DNER: variants seen among roughly 807,000 people sequenced by gnomAD.
DNER encodes delta/notch like EGF repeat containing.
Under a neutral mutation model 78.2 loss-of-function variants are expected in DNER, and 33 were observed. The observed-to-expected ratio is 0.42, with a 90% CI of 0.32 to 0.56. The LOEUF is 0.56. DNER is among the 20% of genes least tolerant of loss of function. DNER has a pLI of 0.11. For synonymous variants in DNER, 417 were observed against 384.8 expected (o/e 1.08, Z -0.98); for missense variants, 918 against 975.3 (o/e 0.94, Z 0.78).
chr2:229,647,605 A>C (rs538542805), intron 1 of DNER, among the ~76,000 whole-genome samples: 2 of 152,392 alleles, frequency 1.3e-5, no homozygotes, highest in South Asian at 4.1e-4. Context: ...ATATAAAGAC[A>C]GTTGTGGATA....
chr2:229,565,562 A>C (rs548733616), intron 4 of DNER, among the ~76,000 whole-genome samples: 1 of 152,298 alleles, frequency 6.6e-6, no homozygotes, highest in South Asian at 2.1e-4. Context: ...TACAAGACAG[A>C]TTGGTTGGCA....
At position 229,591,456 on chromosome 2, in the gene DNER, G is replaced by C. The variant is rs2154214625; in HGVS notation, c.585+124C>G. Reference sequence around the variant, plus strand: ...ATGCAGACAGGAATAAGTTTAGGGAGATATTTTGCTTCGTGATTTAACTTA... The same window carrying C: ...ATGCAGACAGGAATAAGTTTAGGGACATATTTTGCTTCGTGATTTAACTTA... On this transcript the variant is annotated intron_variant, in intron 2 of 12. Coordinates refer to ENST00000341772, the MANE Select transcript of DNER (RefSeq NM_139072.4). The surrounding 1 kb of genome is among the most constrained non-coding windows in gnomAD (Gnocchi z 4.6). The C allele has an allele frequency of 1.7e-6, 2 of 1,172,784 alleles. No homozygotes were observed. The highest frequency in any genetic ancestry group is 2.4e-6 in the Non-Finnish European group (2 of 850,932). The allele number at this position is 1,172,784 out of a possible 1,614,324, so 72.6% of individuals were successfully genotyped here.
intron 5 of DNER, among the ~76,000 whole-genome samples, chr2:229,544,693 T>C (rs1696585541): frequency 6.6e-6 from 1 of 151,840 alleles, no homozygotes; most frequent in African/African-American, 2.4e-5. Context: ...CCACCACGCC[T>C]GGCTAATTTT....
intron 4 of DNER, among the ~76,000 whole-genome samples, chr2:229,566,228 T>C (rs1406842737): frequency 2.0e-5 from 3 of 152,172 alleles, no homozygotes; most frequent in Admixed American, 1.3e-4. Context: ...GCAAGCATTG[T>C]GAACATGATC....
chr2:229,359,059 C>CG (rs1351300665), intron 12 of DNER, among the ~76,000 whole-genome samples: 3 of 152,148 alleles, frequency 2.0e-5, no homozygotes, highest in Non-Finnish European at 1.5e-5. Context: ...CAGTCTTCCC[C>CG]GGGCCATGGA....
chr2:229,696,313 A>T (rs746331111), intron 1 of DNER, among the ~76,000 whole-genome samples: 50 of 152,328 alleles, frequency 3.3e-4, no homozygotes, highest in Non-Finnish European at 5.6e-4. Flanking sequence ...ACGATGATTG[A>T]CGGGGAGGCT....
chr2:229,629,117 A>G (rs1416022443), intron 1 of DNER, among the ~76,000 whole-genome samples: 1 of 152,154 alleles, frequency 6.6e-6, no homozygotes, highest in Non-Finnish European at 1.5e-5. Context: ...GCCATACCAA[A>G]TTTGCCAATT....
At chr2:229,616,148 G>A (rs967678958) in intron 1 of DNER, among the ~76,000 whole-genome samples, 2 of 152,162 alleles carry the variant, frequency 1.3e-5, no homozygotes, top group Non-Finnish European at 2.9e-5. Flanking sequence ...CTAGTTGGTT[G>A]CTCATAGGTG....
rs549391584 is a variant in DNER, at chr2:229,573,454, A to C, written c.847+12404T>G. On this transcript the variant is annotated intron_variant, in intron 4 of 12. Transcript: ENST00000341772. ...TGATGCTCTGAGTTTTATACCCAAG[A>C]CCTTTGTGAGAAACAATTAAAACTA... is the stretch of plus-strand genomic sequence containing the variant. Among the ~76,000 whole-genome samples, 3 of 152,306 alleles carry C rather than the reference A, an allele frequency of 2.0e-5. No individual in the cohort carries two copies. The South Asian group carries it at 6.2e-4, about 32-fold the overall frequency.
chr2:229,633,938 G>A (rs1418570916), intron 1 of DNER, among the ~76,000 whole-genome samples: 4 of 152,238 alleles, frequency 2.6e-5, no homozygotes, highest in Non-Finnish European at 5.9e-5. Context: ...ACAGCCTGAA[G>A]CCAAGCACAT....
chr2:229,535,924 G>A lies in DNER; in HGVS notation c.993+11023C>T, dbSNP rs530256475. ...CTCCCAAAGTGCTGGGATTACAGGC[G>A]TGAGCCACCACGCCTGGCCCAGACT... On this transcript the variant is annotated intron_variant, in intron 5 of 12. Coordinates refer to ENST00000341772, the MANE Select transcript of DNER (RefSeq NM_139072.4). Among the ~76,000 whole-genome samples the A allele has an allele frequency of 1.8e-4, 27 of 152,248 alleles. No homozygotes were observed. In the East Asian group the frequency reaches 3.9e-3, roughly 22 times the overall value.
chr2:229,454,195 T>A (rs574285146), intron 7 of DNER, among the ~76,000 whole-genome samples: 1 of 152,298 alleles, frequency 6.6e-6, no homozygotes, highest in Admixed American at 6.5e-5. Flanking sequence ...GACTATGAGC[T>A]AAATGAGTGG....
At chr2:229,396,087 A>G (rs10192168) in intron 10 of DNER, among the ~76,000 whole-genome samples, 33,142 of 152,036 alleles carry the variant, frequency 0.22, 4,127 homozygotes, top group East Asian at 0.53. Flanking sequence ...CTAAAGGGGG[A>G]AAAGAAACTG....
At chr2:229,508,877 T>G in intron 6 of DNER, among the ~76,000 whole-genome samples, 1 of 145,608 alleles carries the variant, frequency 6.9e-6, no homozygotes, top group Non-Finnish European at 1.5e-5. Flanking sequence ...TGAGACTCCA[T>G]CTCAAAAAGA....
intron 1 of DNER, among the ~76,000 whole-genome samples, chr2:229,607,379 A>G (rs1378471076): frequency 6.6e-6 from 1 of 150,632 alleles, no homozygotes; most frequent in Non-Finnish European, 1.5e-5. Context: ...TGAGGCAGTT[A>G]CTGTTATCTG....
intron 5 of DNER, among the ~76,000 whole-genome samples, chr2:229,535,852 C>T (rs985026496): frequency 4.6e-5 from 7 of 152,162 alleles, no homozygotes; most frequent in Non-Finnish European, 1.0e-4. Context: ...CCATGTTGGC[C>T]AGGCTGTTCT....
chr2:229,518,851 G>A (rs1468435934), intron 5 of DNER, among the ~76,000 whole-genome samples: 1 of 151,856 alleles, frequency 6.6e-6, no homozygotes, highest in African/African-American at 2.4e-5. Flanking sequence ...CACCATTTAC[G>A]AACTCTTACC....
At chr2:229,436,522 G>GA (rs1156403897) in intron 8 of DNER, among the ~76,000 whole-genome samples, 1 of 152,030 alleles carries the variant, frequency 6.6e-6, no homozygotes, top group Non-Finnish European at 1.5e-5. Flanking sequence ...AAAAATGAAA[G>GA]AAAAAATGTT....
Position 229,453,349 on chromosome 2 carries a change from G to T in DNER, c.1262-5809C>A, listed in dbSNP as rs567542584. ...AAAATACAGGAGGAGGCTGCTAGGG[G>T]AGGGTTATGAGTTCAGCTTTGTGCA... On this transcript the variant is annotated intron_variant, in intron 7 of 12. Transcript: ENST00000341772. 2.4e-3 allele frequency among the ~76,000 whole-genome samples: 320 copies of T among 131,386 alleles called. 1 individual carries two copies. The highest frequency in any genetic ancestry group is 4.1e-3 in the Non-Finnish European group (227 of 55,948). The allele number at this position is 131,386 out of a possible 152,430, so 86.2% of individuals were successfully genotyped here.
Sources: allele counts gnomAD v4.1 joint callset (sites outside exome capture counted in the v4.1 genomes callset), GRCh38; gene constraint gnomAD v4.1.1; non-coding constraint Gnocchi (gnomAD v3.1); transcripts MANE v1.5; gene names NCBI Gene and HGNC (gene_info 2026-07-23, HGNC 2026-07-21).